RRAS2: variants seen among roughly 807,000 people sequenced by gnomAD.
RRAS2 encodes the protein RAS related 2, also known as ras-related protein R-Ras2.
Under a neutral mutation model 27.6 loss-of-function variants are expected in RRAS2, and 7 were observed. That is an observed-to-expected ratio of 0.25 (90% CI 0.14 to 0.48). RRAS2 has a LOEUF of 0.48. RRAS2 is among the 20% of genes least tolerant of loss of function. RRAS2 has a pLI of 0.99. For synonymous variants in RRAS2, 86 were observed against 90.9 expected (o/e 0.95, Z 0.31); for missense variants, 178 against 256.2 (o/e 0.69, Z 2.08).
At chr11:14,293,735 A>C (rs1208500062) in intron 4 of RRAS2, among the ~76,000 whole-genome samples, 1 of 152,156 alleles carries the variant, frequency 6.6e-6, no homozygotes, top group Non-Finnish European at 1.5e-5. Flanking sequence ...TTTTCTTTAT[A>C]AATTACCCAG....
At chr11:14,319,508 G>A (rs1414540046) in intron 1 of RRAS2, among the ~76,000 whole-genome samples, 3 of 151,992 alleles carry the variant, frequency 2.0e-5, no homozygotes, top group East Asian at 1.9e-4. Flanking sequence ...ACAGGCGCCC[G>A]CCACCGCGCC....
chr11:14,332,012 T>C (rs1848489825), intron 1 of RRAS2, among the ~76,000 whole-genome samples: 1 of 152,148 alleles, frequency 6.6e-6, no homozygotes, highest in African/African-American at 2.4e-5. Flanking sequence ...AGCCATTAGA[T>C]TGGCTAAAAT....
chr11:14,355,917 T>C (rs985857779), intron 1 of RRAS2, among the ~76,000 whole-genome samples: 3 of 152,202 alleles, frequency 2.0e-5, no homozygotes, highest in South Asian at 2.1e-4. Flanking sequence ...AGGCAATGAA[T>C]AGCTACCCTA....
chr11:14,284,935 G>GT (rs548906813), intron 4 of RRAS2, among the ~76,000 whole-genome samples: 55 of 152,128 alleles, frequency 3.6e-4, no homozygotes, highest in South Asian at 3.3e-3. Flanking sequence ...GTAGCATCTT[G>GT]TTTTTTTATT....
upstream of RRAS2, among the ~76,000 whole-genome samples, chr11:14,359,510 T>C (rs1255986187): frequency 6.6e-6 from 1 of 152,256 alleles, no homozygotes; most frequent in Non-Finnish European, 1.5e-5. Flanking sequence ...CATACCCTGC[T>C]TTAAGAGTAC....
At chr11:14,300,000 A>T (rs1554947143) in intron 1 of RRAS2, among the ~76,000 whole-genome samples, 1 of 152,230 alleles carries the variant, frequency 6.6e-6, no homozygotes. Context: ...TACCAACCAC[A>T]GCCCAGAAAG....
At chr11:14,307,221 A>C (rs1351056098) in intron 1 of RRAS2, among the ~76,000 whole-genome samples, 1 of 136,202 alleles carries the variant, frequency 7.3e-6, no homozygotes, top group Admixed American at 8.1e-5. Context: ...AAAAAAAAAC[A>C]AAAAACAACA....
At chr11:14,322,204 G>C (rs578011721) in intron 1 of RRAS2, among the ~76,000 whole-genome samples, 114 of 151,968 alleles carry the variant, frequency 7.5e-4, no homozygotes, top group African/African-American at 2.6e-3. Flanking sequence ...GCAGGGGCAG[G>C]TGTGTCACTT....
intron 1 of RRAS2, among the ~76,000 whole-genome samples, chr11:14,311,425 G>GCACT (rs1554948834): frequency 1.3e-5 from 2 of 152,350 alleles, no homozygotes; most frequent in East Asian, 3.9e-4. Flanking sequence ...GGAGTGCAGT[G>GCACT]GCACAATCTC....
At chr11:14,343,725 T>G (rs1848768155) in intron 1 of RRAS2, among the ~76,000 whole-genome samples, 1 of 151,586 alleles carries the variant, frequency 6.6e-6, no homozygotes, top group African/African-American at 2.4e-5. Context: ...TCCCAGCTAC[T>G]TCCGGGGCTG....
At position 14,364,453 on chromosome 11, in the gene RRAS2, T is replaced by C. The variant is rs1554956495; in HGVS notation, c.-186A>G. ...AATGGGCCATTGCTTTTAATGTGAA[T>C]GAATGGCTGGCAGAGAATGAAACCG... On this transcript the variant is annotated 5_prime_UTR_variant, in exon 1 of 6. Transcript: ENST00000529237. The C allele has an allele frequency of 5.3e-6, 8 of 1,501,302 alleles. No individual in the cohort carries two copies. The East Asian group carries it at 2.0e-4, about 37-fold the overall frequency. The allele number at this position is 1,501,302 out of a possible 1,614,324, so 93.0% of individuals were successfully genotyped here.
intron 1 of RRAS2, among the ~76,000 whole-genome samples, chr11:14,298,689 C>CATCT (rs1847621463): frequency 6.6e-6 from 1 of 152,184 alleles, no homozygotes; most frequent in Non-Finnish European, 1.5e-5. Context: ...CAGAGACCAT[C>CATCT]ATCTACTGGC....
intron 1 of RRAS2, chr11:14,308,144 T>C (rs534895569): frequency 1.0e-5 from 3 of 301,090 alleles, no homozygotes; most frequent in Middle Eastern, 5.2e-4. Context: ...CCACAGTTTA[T>C]GTATTTGCTT....
chr11:14,341,845 T>A (rs191950730), intron 1 of RRAS2: 14 of 454,252 alleles, frequency 3.1e-5, no homozygotes, highest in Non-Finnish European at 5.3e-5. Flanking sequence ...TGTAATATGA[T>A]TGAAGACTCT....
rs536583597 is a variant in RRAS2, at chr11:14,295,519, T to A, written c.196+249A>T. Reference sequence around the variant, plus strand: ...TCCAGTTGTCCCAATAAAATCAACTTCAACAAACTGCAATGAGACCAGTTT... The same window carrying A: ...TCCAGTTGTCCCAATAAAATCAACTACAACAAACTGCAATGAGACCAGTTT... On this transcript the variant is annotated intron_variant, in intron 2 of 5. Coordinates refer to ENST00000256196, the MANE Select transcript of RRAS2 (RefSeq NM_012250.6). Among the ~76,000 whole-genome samples the A allele has an allele frequency of 5.9e-5, 9 of 152,302 alleles. No homozygotes were observed. In the South Asian group the frequency reaches 1.9e-3, roughly 32 times the overall value.
chr11:14,299,328 T>C (rs1847638210), intron 1 of RRAS2, among the ~76,000 whole-genome samples: 3 of 152,186 alleles, frequency 2.0e-5, no homozygotes, highest in African/African-American at 7.2e-5. Context: ...AGACAAAAGC[T>C]GGGGTTCTGG....
intron 1 of RRAS2, among the ~76,000 whole-genome samples, chr11:14,337,656 G>A (rs782390547): frequency 6.6e-5 from 10 of 151,980 alleles, no homozygotes; most frequent in South Asian, 4.2e-4. Flanking sequence ...AAACTTTATC[G>A]TAGGTATCTA....
At chr11:14,320,026 A>T (rs560113728) in intron 1 of RRAS2, among the ~76,000 whole-genome samples, 1 of 152,356 alleles carries the variant, frequency 6.6e-6, no homozygotes, top group Non-Finnish European at 1.5e-5. Context: ...GAAAAATGTC[A>T]CCATGAGAGA....
intron 1 of RRAS2, among the ~76,000 whole-genome samples, chr11:14,346,666 G>T (rs1848837219): frequency 6.6e-6 from 1 of 152,276 alleles, no homozygotes; most frequent in South Asian, 2.1e-4. Context: ...TAGCTGTAAA[G>T]CATAGTAACT....
Sources: allele counts gnomAD v4.1 joint callset (sites outside exome capture counted in the v4.1 genomes callset), GRCh38; gene constraint gnomAD v4.1.1; transcripts MANE v1.5; gene names NCBI Gene and HGNC (gene_info 2026-07-23, HGNC 2026-07-21).